PLCG2: variants seen among roughly 807,000 people sequenced by gnomAD.
The protein encoded by PLCG2 is 1-phosphatidylinositol 4,5-bisphosphate phosphodiesterase gamma-2.
A neutral mutation model predicts 175.6 loss-of-function variants in PLCG2; 69 were observed. That is an observed-to-expected ratio of 0.39 (90% CI 0.32 to 0.48). The LOEUF (loss-of-function observed/expected upper bound fraction) is 0.48. Among genes scored for constraint, PLCG2 ranks in the 20% least tolerant of loss-of-function variants. The pLI, the probability that PLCG2 is intolerant of heterozygous loss-of-function variation, is 0.91. For synonymous variants in PLCG2, 827 were observed against 624.0 expected, an observed-to-expected ratio of 1.33 and a Z score of -4.85; for missense variants, 1,798 against 1,650.9, an observed-to-expected ratio of 1.09 and a Z score of -1.54.
intron 7 of PLCG2, among the ~76,000 whole-genome samples, chr16:81,879,755 G>T (rs946221182): frequency 2.0e-5 from 3 of 152,178 alleles, no homozygotes; most frequent in Non-Finnish European, 4.4e-5. Context: ...TGGGTGTGCA[G>T]GGTGCCTGTG....
chr16:81,748,821 C>T (rs1433014601), intron 1 of PLCG2, among the ~76,000 whole-genome samples: 1 of 152,128 alleles, frequency 6.6e-6, no homozygotes, highest in African/African-American at 2.4e-5. Flanking sequence ...CCCTGTGAAC[C>T]AGTTAGGTTT....
At chr16:81,896,061 C>G (rs1908872141) in intron 13 of PLCG2, 134 bp downstream of exon 13, 1 of 1,109,250 alleles carries the variant, frequency 9.0e-7, no homozygotes, top group Admixed American at 1.9e-5. Flanking sequence ...CCATCTTGGC[C>G]AAAGCCACTG....
chr16:81,871,598 A>G (rs536324539), intron 7 of PLCG2, among the ~76,000 whole-genome samples: 9 of 152,242 alleles, frequency 5.9e-5, no homozygotes, highest in Admixed American at 2.6e-4. Flanking sequence ...TCCACTTCCT[A>G]AAGTGCTGGG....
rs1382280030 is a variant in PLCG2, at chr16:81,961,014, A to T, written c.*3016A>T. On this transcript the variant is annotated 3_prime_UTR_variant, in exon 33 of 33. Coordinates refer to ENST00000564138, the MANE Select transcript of PLCG2 (RefSeq NM_002661.5). ...ATGTCCCAAGGTGTAAAAATTCAAA[A>T]TGTGGATATTTGGAAAGTGAAAGAC... The T allele has an allele frequency of 3.0e-5, 7 of 230,404 alleles. No individual in the cohort carries two copies. Among genetic ancestry groups the T allele is most frequent in the African/African-American group, 1.3e-4 (6 of 45,208 alleles). The allele number at this position is 230,404 out of a possible 1,614,324, so 14.3% of individuals were successfully genotyped here. A position where few individuals can be genotyped will look rare whatever the true frequency, so the allele number is the denominator to read the frequency against.
chr16:81,956,782 C>A lies in PLCG2; in HGVS notation c.3658C>A (p.His1220Asn). 6.2e-7 allele frequency: 1 copy of A among 1,614,178 alleles called. No homozygotes were observed. The highest frequency in any genetic ancestry group is 8.5e-7 in the Non-Finnish European group (1 of 1,180,004). Residue 1220 changes from histidine (H) to asparagine (N), a missense_variant, in exon 32 of 33, where the codon CAC (histidine) becomes AAC (asparagine). Coordinates refer to ENST00000564138, the MANE Select transcript of PLCG2 (RefSeq NM_002661.5). ...LNNQLFLYDT[H>N]QNLRNANRDA... ...CAACCAGCTCTTTCTGTATGACACACACCAGAACTTGCGCAATGCCAACCG... is the reference window on the plus strand; with the variant it reads ...CAACCAGCTCTTTCTGTATGACACAAACCAGAACTTGCGCAATGCCAACCG...
intron 31 of PLCG2, among the ~76,000 whole-genome samples, chr16:81,949,571 A>T (rs1365046263): frequency 6.6e-6 from 1 of 152,166 alleles, no homozygotes; most frequent in Admixed American, 6.5e-5. Flanking sequence ...CATGTATCCT[A>T]CTCAAGGGAA....
intron 1 of PLCG2, among the ~76,000 whole-genome samples, chr16:81,745,922 C>A (rs938613122): frequency 5.9e-5 from 9 of 152,228 alleles, no homozygotes; most frequent in African/African-American, 2.2e-4. Context: ...AGCGAACGAC[C>A]TGACTCTCTG....
intron 2 of PLCG2, among the ~76,000 whole-genome samples, chr16:81,828,184 G>C (rs889393241): frequency 6.7e-6 from 1 of 148,828 alleles, no homozygotes; most frequent in Non-Finnish European, 1.5e-5. Context: ...CCCTGATGCA[G>C]TTCCCAGGCC....
At chr16:81,783,154 T>A (rs748522604) in intron 1 of PLCG2, 31 of 490,000 alleles carry the variant, frequency 6.3e-5, no homozygotes, top group Non-Finnish European at 1.1e-4. Context: ...TAATGGGGCT[T>A]GTGTTTCCTA....
intron 2 of PLCG2, among the ~76,000 whole-genome samples, chr16:81,813,067 G>C (rs1457767599): frequency 1.3e-5 from 2 of 152,148 alleles, no homozygotes; most frequent in South Asian, 4.1e-4. Flanking sequence ...ATGCTGTTTT[G>C]TTGACCATAG....
At chr16:81,837,519 A>C (rs1300155224) in intron 2 of PLCG2, among the ~76,000 whole-genome samples, 1 of 152,220 alleles carries the variant, frequency 6.6e-6, no homozygotes, top group Non-Finnish European at 1.5e-5. Flanking sequence ...GGGAGGAGTA[A>C]GGGATGCTCT....
At chr16:81,745,319 G>C (rs1018375869) in intron 1 of PLCG2, among the ~76,000 whole-genome samples, 1 of 152,144 alleles carries the variant, frequency 6.6e-6, no homozygotes, top group Non-Finnish European at 1.5e-5. Flanking sequence ...GATGACCTGT[G>C]GCCACAGGAA....
intron 7 of PLCG2, among the ~76,000 whole-genome samples, chr16:81,874,263 T>A (rs1907661288): frequency 6.6e-6 from 1 of 152,226 alleles, no homozygotes. Flanking sequence ...ACGGTCCACT[T>A]TCTCTGTATT....
At position 81,959,132 on chromosome 16, in the gene PLCG2, G is replaced by A. The variant is rs768237169; in HGVS notation, c.*1134G>A. On this transcript the variant is annotated 3_prime_UTR_variant, in exon 33 of 33. Coordinates refer to ENST00000564138, the MANE Select transcript of PLCG2 (RefSeq NM_002661.5). ...GAGTGCTGGGTTGGGAAGGGAGGTG[G>A]TTGGTAGAGTCACAACTTCTCAATG... is the stretch of plus-strand genomic sequence containing the variant. The A allele has an allele frequency of 1.8e-5, 4 of 224,036 alleles. No individual in the cohort carries two copies. Among genetic ancestry groups the A allele is most frequent in the African/African-American group, 8.9e-5 (4 of 44,944 alleles). The allele number at this position is 224,036 out of a possible 1,614,324, so 13.9% of individuals were successfully genotyped here. A position where few individuals can be genotyped will look rare whatever the true frequency, so the allele number is the denominator to read the frequency against.
chr16:81,742,156 G>C (rs1226134757), intron 1 of PLCG2, among the ~76,000 whole-genome samples: 3 of 11,542 alleles, frequency 2.6e-4, no homozygotes, highest in Non-Finnish European at 5.3e-4. Context: ...TGTGGGGGCG[G>C]GGGGGGGGGC....
chr16:81,946,932 C>A (rs1911175151), intron 31 of PLCG2, among the ~76,000 whole-genome samples: 1 of 152,002 alleles, frequency 6.6e-6, no homozygotes, highest in Non-Finnish European at 1.5e-5. Flanking sequence ...GAAGCTTATC[C>A]CTCCCCAGCT....
At chr16:81,876,126 G>A (rs1907777556) in intron 7 of PLCG2, among the ~76,000 whole-genome samples, 1 of 147,884 alleles carries the variant, frequency 6.8e-6, no homozygotes, top group Non-Finnish European at 1.5e-5. Flanking sequence ...CCCTGGCTCA[G>A]ATGATTCTCC....
intron 2 of PLCG2, among the ~76,000 whole-genome samples, chr16:81,803,577 C>A (rs1436825454): frequency 7.0e-6 from 1 of 142,064 alleles, no homozygotes; most frequent in Non-Finnish European, 1.5e-5. Context: ...CTTTCCTTTC[C>A]TTTCCTTTCT....
chr16:81,955,846 C>T (rs1318554814), intron 31 of PLCG2, among the ~76,000 whole-genome samples: 2 of 152,152 alleles, frequency 1.3e-5, no homozygotes, highest in Non-Finnish European at 2.9e-5. Flanking sequence ...AGGCACATGC[C>T]CATCTCTGCA....
Sources: gnomAD v4.1 joint callset for allele counts (sites outside exome capture counted in the v4.1 genomes callset) on GRCh38, gnomAD v4.1.1 for gene constraint, MANE v1.5 for transcripts, NCBI Gene and HGNC (gene_info 2026-07-23, HGNC 2026-07-21) for gene names.